NGLY1: variants seen among roughly 807,000 people sequenced by gnomAD.
The protein encoded by NGLY1 is N-glycanase 1, also known as peptide-N(4)-(N-acetyl-beta-glucosaminyl)asparagine amidase.
Under a neutral mutation model 84.6 loss-of-function variants are expected in NGLY1, and 68 were observed. The observed-to-expected ratio is 0.80, with a 90% CI of 0.66 to 0.98. The LOEUF (loss-of-function observed/expected upper bound fraction) is 0.98, where lower values mean the gene tolerates loss of function less well. NGLY1 is among the 50% of genes least tolerant of loss of function. NGLY1 has a pLI of 0.00. For missense variants in NGLY1, 779 were observed against 770.2 expected, an observed-to-expected ratio of 1.01 and a Z score of -0.14; for synonymous variants, 280 against 275.2, an observed-to-expected ratio of 1.02 and a Z score of -0.17.
At chr3:25,735,657 A>G (rs1435736644) in intron 7 of NGLY1, 2 of 169,952 alleles carry the variant, frequency 1.2e-5, no homozygotes, top group South Asian at 1.6e-4. Flanking sequence ...TATCTACCAT[A>G]TAATGCAGCC....
chr3:25,789,721 C>T, intron 1 of NGLY1: 2 of 1,106,444 alleles, frequency 1.8e-6, no homozygotes. Flanking sequence ...ATAGCAATAA[C>T]TTTGAAACTG....
intron 4 of NGLY1, among the ~76,000 whole-genome samples, chr3:25,750,398 AC>A (rs1706674329): frequency 1.3e-5 from 2 of 152,208 alleles, no homozygotes; most frequent in African/African-American, 4.8e-5. Context: ...TAAACCAGTC[AC>A]CAAAAGACAA....
chr3:25,720,462 G>C (rs765285126), intron 10 of NGLY1, among the ~76,000 whole-genome samples: 1 of 151,944 alleles, frequency 6.6e-6, no homozygotes, highest in Non-Finnish European at 1.5e-5. Context: ...ACCAAATTTT[G>C]GTAAATCATC....
At chr3:25,789,995 C>T in exon 1 of NGLY1, 2 of 1,166,306 alleles carry the variant, frequency 1.7e-6, no homozygotes, top group Non-Finnish European at 2.5e-6. Context: ...GGCTTAAAGT[C>T]AACCGGCGGA....
intron 2 of NGLY1, among the ~76,000 whole-genome samples, chr3:25,766,347 G>A (rs1266547761): frequency 3.3e-5 from 5 of 152,186 alleles, no homozygotes; most frequent in Admixed American, 2.6e-4. Context: ...GATTATAGGC[G>A]TGAGCCACCA....
chr3:25,762,300 T>C (rs561492103), intron 3 of NGLY1, among the ~76,000 whole-genome samples: 1 of 152,306 alleles, frequency 6.6e-6, no homozygotes, highest in East Asian at 1.9e-4. Flanking sequence ...AGAAGAAAAC[T>C]GTCAAATTCT....
chr3:25,766,294 T>G (rs1431069341), intron 2 of NGLY1, among the ~76,000 whole-genome samples: 1 of 152,154 alleles, frequency 6.6e-6, no homozygotes, highest in East Asian at 1.9e-4. Flanking sequence ...CTCAAACTCC[T>G]GACTTCAGGT....
At chr3:25,721,748 CAAAAAAAAAAAA>C (rs59028606) in intron 10 of NGLY1, among the ~76,000 whole-genome samples, 3 of 50,704 alleles carry the variant, frequency 5.9e-5, no homozygotes, top group South Asian at 1.1e-3. Context: ...GACTCCATCT[CAAAAAAAAAAAA>C]AAAAAAAAAA....
intron 3 of NGLY1, chr3:25,755,057 C>T (rs542426224): frequency 1.4e-5 from 19 of 1,378,278 alleles, no homozygotes; most frequent in African/African-American, 1.3e-4. Context: ...ATTTGCTTTC[C>T]GAAATGTGAC....
upstream of NGLY1, among the ~76,000 whole-genome samples, chr3:25,785,686 A>G (rs1435711582): frequency 6.6e-6 from 1 of 151,978 alleles, no homozygotes; most frequent in African/African-American, 2.4e-5. Flanking sequence ...AAAAACAAAA[A>G]CAAAAACATA....
At chr3:25,789,162 T>C (rs1708666443) in intron 1 of NGLY1, among the ~76,000 whole-genome samples, 1 of 152,248 alleles carries the variant, frequency 6.6e-6, no homozygotes, top group South Asian at 2.1e-4. Flanking sequence ...TTTCATGTTA[T>C]ATTTTCCCTT....
At chr3:25,769,142 T>C (rs974259661) in intron 2 of NGLY1, among the ~76,000 whole-genome samples, 1 of 151,980 alleles carries the variant, frequency 6.6e-6, no homozygotes, top group African/African-American at 2.4e-5. Context: ...GTGTATCACT[T>C]GAGGTCAGGA....
chr3:25,755,014 C>T, intron 3 of NGLY1: 1 of 930,614 alleles, frequency 1.1e-6, no homozygotes. Context: ...GAATCACAGA[C>T]TACAAACCAA....
chr3:25,719,503 T>G lies in NGLY1; in HGVS notation c.1922A>C (p.Glu641Ala). 1 of 1,613,996 alleles carries G rather than the reference T, an allele frequency of 6.2e-7. No individual in the cohort carries two copies. The highest frequency in any genetic ancestry group is 8.5e-7 in the Non-Finnish European group (1 of 1,179,900). The stretch of plus-strand genomic sequence containing the variant: ...TATAATTATCTCCAAACAATTTTCT[T>G]CATGGTCATTTAAGCTTTGTCTAAA... ...QLFRQSLNDH[E>A]ENCLEIIIKF... Residue 641 changes from glutamate to alanine, a missense_variant, in exon 12 of 12, where the codon GAA (glutamate) becomes GCA (alanine). Physicochemically the swap from Glu to Ala is moderately radical, Grantham distance 107. Coordinates refer to ENST00000280700, the MANE Select transcript of NGLY1 (RefSeq NM_018297.4).
chr3:25,770,937 CTAGATATCAGTCCTTTGTCGGATACT>C (rs773875249), intron 2 of NGLY1, among the ~76,000 whole-genome samples: 7 of 152,054 alleles, frequency 4.6e-5, no homozygotes, highest in Non-Finnish European at 8.8e-5. Flanking sequence ...CTTCTAGATT[CTAGATATCAGTCCTTTGTCGGATACT>C]TAGTTTGTGA....
chr3:25,759,454 A>G (rs1002133989), intron 3 of NGLY1, among the ~76,000 whole-genome samples: 1 of 152,106 alleles, frequency 6.6e-6, no homozygotes, highest in African/African-American at 2.4e-5. Flanking sequence ...CATCCGGAGT[A>G]TTTTTATTTT....
chr3:25,774,959 G>A (rs1413844891), intron 2 of NGLY1, among the ~76,000 whole-genome samples: 1 of 152,170 alleles, frequency 6.6e-6, no homozygotes, highest in African/African-American at 2.4e-5. Flanking sequence ...GGCCAGGAGT[G>A]CCTGCAGGCT....
chr3:25,759,622 T>C (rs1338978064), intron 3 of NGLY1, among the ~76,000 whole-genome samples: 1 of 152,204 alleles, frequency 6.6e-6, no homozygotes, highest in African/African-American at 2.4e-5. Context: ...AGAAAGTTGC[T>C]GATTACATGG....
intron 4 of NGLY1, among the ~76,000 whole-genome samples, chr3:25,748,910 A>G (rs1706579447): frequency 6.6e-6 from 1 of 152,226 alleles, no homozygotes; most frequent in Admixed American, 6.5e-5. Flanking sequence ...GTAAAAAAAA[A>G]AAGTTTTTAA....
Sources: allele counts gnomAD v4.1 joint callset (sites outside exome capture counted in the v4.1 genomes callset), GRCh38; gene constraint gnomAD v4.1.1; transcripts MANE v1.5; gene names NCBI Gene and HGNC (gene_info 2026-07-23, HGNC 2026-07-21).